SPAG1: variants seen among roughly 807,000 people sequenced by gnomAD.
The protein encoded by SPAG1 is sperm-associated antigen 1.
In SPAG1, 69 loss-of-function variants were observed where a neutral mutation model predicts 100.5. The ratio of observed to expected loss-of-function variants is 0.69; its 90% CI spans 0.57 to 0.84. The LOEUF (loss-of-function observed/expected upper bound fraction) is 0.84, where lower values mean the gene tolerates loss of function less well. SPAG1 is among the 40% of genes least tolerant of loss of function. The pLI is 0.00. For missense variants in SPAG1, 955 were observed against 1,133.1 expected (o/e 0.84, Z 2.26); for synonymous variants, 336 against 411.6 (o/e 0.82, Z 2.22).
intron 13 of SPAG1, among the ~76,000 whole-genome samples, chr8:100,221,453 G>GT (rs1438931874): frequency 1.3e-5 from 2 of 152,152 alleles, no homozygotes; most frequent in Non-Finnish European, 2.9e-5. Context: ...AAATTAACTA[G>GT]TTGGATAACA....
At chr8:100,204,865 T>C (rs1226998295) in intron 10 of SPAG1, among the ~76,000 whole-genome samples, 2 of 152,172 alleles carry the variant, frequency 1.3e-5, no homozygotes, top group East Asian at 1.9e-4. Context: ...ATGGGAATAA[T>C]TGGATCCTGA....
chr8:100,205,785 G>A (rs1350447306), intron 10 of SPAG1, among the ~76,000 whole-genome samples: 1 of 152,000 alleles, frequency 6.6e-6, no homozygotes, highest in African/African-American at 2.4e-5. Context: ...GGGAGGCCGA[G>A]GCGGGCAGAT....
At chr8:100,212,852 T>C (rs1314619473) in intron 10 of SPAG1, among the ~76,000 whole-genome samples, 1 of 151,440 alleles carries the variant, frequency 6.6e-6, no homozygotes, top group Non-Finnish European at 1.5e-5. Context: ...ACAGGGTACG[T>C]TTCTGGCCGA....
chr8:100,228,117 A>G (rs532607121), intron 14 of SPAG1, among the ~76,000 whole-genome samples: 119 of 152,230 alleles, frequency 7.8e-4, no homozygotes, highest in African/African-American at 2.7e-3. Context: ...GTTCTGGGCT[A>G]ACAGGTGTGA....
rs200697925 is a variant in SPAG1 at position 100,194,190 on chromosome 8, G to T, written c.1018G>T (p.Val340Phe). Residue 340 changes from valine to phenylalanine, a missense_variant, in exon 10 of 19, where the codon GTT (valine) becomes TTT (phenylalanine). By Grantham distance (50) the Val-to-Phe change is conservative (BLOSUM62 -1). Transcript: ENST00000388798. ...SETQTKGKRM[V>F]IQEIENSEDE... Reference sequence around the variant, plus strand: ...GACTCAAACCAAAGGGAAAAGGATGGTTATTCAGGAAATAGAAAACTCCGA... The same window carrying T: ...GACTCAAACCAAAGGGAAAAGGATGTTTATTCAGGAAATAGAAAACTCCGA... 1.9e-6 allele frequency: 3 copies of T among 1,612,178 alleles called. No individual in the cohort carries two copies. In the East Asian group the frequency reaches 6.7e-5, roughly 36 times the overall value.
Position 100,225,182 on chromosome 8 carries a change from A to T in SPAG1, c.1698A>T (p.Arg566Ser). The part of the protein sequence containing the change: ...LANDSVNRLS[R>S]ILMELDGPNW... ...TTCACTTTCTCTTTAGGCTATCAAG[A>T]ATTTTAATGGAGCTGGATGGACCAA... Residue 566 changes from arginine to serine, a missense_variant, in exon 14 of 19, where the codon AGA (arginine) becomes AGT (serine). Transcript: ENST00000388798. The T allele has an allele frequency of 3.1e-6, 5 of 1,610,304 alleles. No homozygotes were observed. Among genetic ancestry groups the T allele is most frequent in the Non-Finnish European group, 3.4e-6 (4 of 1,177,316 alleles).
intron 14 of SPAG1, among the ~76,000 whole-genome samples, chr8:100,227,713 AC>A (rs1487532498): frequency 6.6e-6 from 1 of 152,214 alleles, no homozygotes; most frequent in Admixed American, 6.5e-5. Flanking sequence ...GAGAATGGAT[AC>A]CAAAGGTTTA....
intron 13 of SPAG1, among the ~76,000 whole-genome samples, chr8:100,221,452 A>G (rs1818275309): frequency 6.6e-6 from 1 of 152,220 alleles, no homozygotes; most frequent in African/African-American, 2.4e-5. Flanking sequence ...AAAATTAACT[A>G]GTTGGATAAC....
chr8:100,168,447 G>A (rs1323233998), intron 3 of SPAG1, among the ~76,000 whole-genome samples: 1 of 152,028 alleles, frequency 6.6e-6, no homozygotes, highest in Non-Finnish European at 1.5e-5. Context: ...AGGCTGGAGT[G>A]CAGTGGCACC....
chr8:100,178,284 A>G (rs1349224626), intron 4 of SPAG1, among the ~76,000 whole-genome samples: 1 of 151,840 alleles, frequency 6.6e-6, no homozygotes, highest in East Asian at 1.9e-4. Context: ...TCAGGGAACA[A>G]TTGTATATAT....
chr8:100,209,494 C>G (rs1179039874), intron 10 of SPAG1, among the ~76,000 whole-genome samples: 1 of 148,682 alleles, frequency 6.7e-6, no homozygotes, highest in Non-Finnish European at 1.5e-5. Flanking sequence ...ATCTTTTTGG[C>G]TATTCTGAAC....
rs116307078 is a variant in SPAG1, at chr8:100,166,175, T to C, written c.300+202T>C. Among the ~76,000 whole-genome samples the C allele has an allele frequency of 6.0e-3, 916 of 152,350 alleles. 14 individuals carry two copies. The highest frequency in any genetic ancestry group is 0.021 in the African/African-American group (889 of 41,572). ...CCGTACATGTGTATATTTAAATTGA[T>C]TAAATAATATTCTGTCCTATTAAAA... On this transcript the variant is annotated intron_variant, in intron 3 of 18. Coordinates refer to ENST00000388798, the MANE Select transcript of SPAG1 (RefSeq NM_003114.5).
intron 6 of SPAG1, among the ~76,000 whole-genome samples, chr8:100,184,345 T>C (rs1816496243): frequency 6.6e-6 from 1 of 152,164 alleles, no homozygotes. Flanking sequence ...ATTCCTAAAA[T>C]TGTTTTCTTT....
At chr8:100,213,042 T>A in intron 10 of SPAG1, 48 bp from the exon 11 acceptor site, 8 of 1,187,234 alleles carry the variant, frequency 6.7e-6, no homozygotes, top group Non-Finnish European at 8.5e-6. Flanking sequence ...CCGCGGCAAC[T>A]GCTCCCGGTG....
At chr8:100,207,998 G>A (rs544717378) in intron 10 of SPAG1, among the ~76,000 whole-genome samples, 25 of 152,266 alleles carry the variant, frequency 1.6e-4, no homozygotes, top group African/African-American at 6.0e-4. Context: ...TCCCCCCATA[G>A]CCAGGATTCA....
chr8:100,231,299 T>C lies in SPAG1; in HGVS notation c.1988+11T>C. The C allele has an allele frequency of 6.8e-7, 1 of 1,474,872 alleles. No homozygotes were observed. Among genetic ancestry groups the C allele is most frequent in the East Asian group, 2.3e-5 (1 of 43,718 alleles). The allele number at this position is 1,474,872 out of a possible 1,614,324, so 91.4% of individuals were successfully genotyped here. A position where few individuals can be genotyped will look rare whatever the true frequency, so the allele number is the denominator to read the frequency against. On this transcript the variant is annotated intron_variant, in intron 15 of 18. Coordinates refer to ENST00000388798, the MANE Select transcript of SPAG1 (RefSeq NM_003114.5). ...CATATATACAAACAGGCAAGTTCTT[T>C]GTAACTTTATATATTTCTTATGTTA... is the stretch of plus-strand genomic sequence containing the variant.
At chr8:100,195,986 C>T (rs867699532) in intron 10 of SPAG1, among the ~76,000 whole-genome samples, 1 of 152,128 alleles carries the variant, frequency 6.6e-6, no homozygotes. Flanking sequence ...AGTATGTCAC[C>T]TTTTGAGTCT....
At chr8:100,167,266 T>C (rs1052426640) in intron 3 of SPAG1, among the ~76,000 whole-genome samples, 12 of 152,214 alleles carry the variant, frequency 7.9e-5, no homozygotes, top group Non-Finnish European at 1.6e-4. Flanking sequence ...AGTACCATAG[T>C]CCCTTCTTAT....
Position 100,170,727 on chromosome 8 carries a change from AT to A in SPAG1, c.300+4756del, listed in dbSNP as rs1352510032. Among the ~76,000 whole-genome samples, 4 of 151,750 alleles carry A rather than the reference AT, an allele frequency of 2.6e-5. No homozygotes were observed. In the East Asian group the frequency reaches 7.7e-4, roughly 29 times the overall value. On this transcript the variant is annotated intron_variant, in intron 3 of 18. Coordinates refer to ENST00000388798, the MANE Select transcript of SPAG1 (RefSeq NM_003114.5). ...ATTAGTTCTAGGAATGTTTTTGTAG[AT>A]TCATTGGATTTTCTACCTGCAGGAT...
Sources: allele counts gnomAD v4.1 joint callset (sites outside exome capture counted in the v4.1 genomes callset), GRCh38; gene constraint gnomAD v4.1.1; transcripts MANE v1.5; gene names NCBI Gene and HGNC (gene_info 2026-07-23, HGNC 2026-07-21).